The following PDE1C variants were observed in gnomAD, a reference collection of about 807,000 sequenced individuals.
PDE1C encodes dual specificity calcium/calmodulin-dependent 3',5'-cyclic nucleotide phosphodiesterase 1C.
Under a neutral mutation model 93.1 loss-of-function variants are expected in PDE1C, and 62 were observed. The observed-to-expected ratio is 0.67, with a 90% CI of 0.54 to 0.82. The LOEUF is 0.82. Ranked by LOEUF, PDE1C falls within the 40% of genes least tolerant of loss-of-function variation. PDE1C has a pLI of 0.00. For missense variants in PDE1C, 742 were observed against 884.6 expected, an observed-to-expected ratio of 0.84 and a Z score of 2.04; for synonymous variants, 325 against 310.1, an observed-to-expected ratio of 1.05 and a Z score of -0.50.
intron 1 of PDE1C, among the ~76,000 whole-genome samples, chr7:32,233,033 T>C (rs147142701): frequency 3.5e-4 from 54 of 152,288 alleles, no homozygotes; most frequent in Non-Finnish European, 5.4e-4. Flanking sequence ...AAATCAATCT[T>C]AACATGCATG....
intron 1 of PDE1C, among the ~76,000 whole-genome samples, chr7:32,279,072 A>C (rs1441452032): frequency 6.6e-6 from 1 of 152,184 alleles, no homozygotes; most frequent in African/African-American, 2.4e-5. Flanking sequence ...CTGTTTGAAA[A>C]ACCAAACTCA....
intron 2 of PDE1C, among the ~76,000 whole-genome samples, chr7:31,896,064 G>C (rs1275646269): frequency 1.3e-5 from 2 of 151,014 alleles, no homozygotes; most frequent in Admixed American, 1.3e-4. Context: ...ACCCAGCAGG[G>C]TGAGCTCATG....
chr7:31,677,039 T>C, the PDE1C span, among the ~76,000 whole-genome samples: 1 of 152,192 alleles, frequency 6.6e-6, no homozygotes, highest in African/African-American at 2.4e-5. Flanking sequence ...AGTCTATATA[T>C]AAATTTGAAA....
the PDE1C span, among the ~76,000 whole-genome samples, chr7:31,683,168 A>G: frequency 2.0e-5 from 3 of 152,204 alleles, no homozygotes; most frequent in African/African-American, 7.2e-5. Context: ...TTGTACCAAT[A>G]TCAATACTGT....
intron 2 of PDE1C, among the ~76,000 whole-genome samples, chr7:31,994,602 C>T (rs1784506196): frequency 6.6e-6 from 1 of 152,104 alleles, no homozygotes. Context: ...GTGAGTTCTT[C>T]GTAGCCTCAC....
chr7:31,921,303 G>A lies in PDE1C; in HGVS notation c.129-40443C>T, dbSNP rs115551868. On this transcript the variant is annotated intron_variant, in intron 2 of 17. Coordinates refer to ENST00000396191, the MANE Select transcript of PDE1C (RefSeq NM_001191057.4). ...TCTCATGCAGATTGTTTGGGAGTGA[G>A]AGAGATGGGCATGAACACAGCGGAC... is the stretch of plus-strand genomic sequence containing the variant. Among the ~76,000 whole-genome samples the A allele has an allele frequency of 7.3e-3, 1,108 of 152,302 alleles. 13 individuals carry two copies. Among genetic ancestry groups the A allele is most frequent in the African/African-American group, 0.025 (1,029 of 41,554 alleles).
chr7:31,625,925 G>A, the PDE1C span, among the ~76,000 whole-genome samples: 1 of 152,046 alleles, frequency 6.6e-6, no homozygotes, highest in Non-Finnish European at 1.5e-5. Flanking sequence ...TACACCTAAT[G>A]TTAGTAAGAA....
In PDE1C at chr7:32,098,208, C is replaced by T. The variant is rs528112791; in HGVS notation, c.308+71577G>A. Among the ~76,000 whole-genome samples the T allele has an allele frequency of 1.1e-3, 117 of 103,710 alleles. 2 individuals carry two copies. Among genetic ancestry groups the T allele is most frequent in the African/African-American group, 2.4e-3 (61 of 25,786 alleles). The allele number at this position is 103,710 out of a possible 152,430, so 68.0% of individuals were successfully genotyped here. A position where few individuals can be genotyped will look rare whatever the true frequency, so the allele number is the denominator to read the frequency against. Reference sequence around the variant, plus strand: ...TCGCGCCACTGCACTCCAGCCTGGGCGACAGAGCGAGACTCCGTCTCAAAA... The same window carrying T: ...TCGCGCCACTGCACTCCAGCCTGGGTGACAGAGCGAGACTCCGTCTCAAAA... On this transcript the variant is annotated intron_variant, in intron 3 of 18. Transcript: ENST00000396193.
the PDE1C span, among the ~76,000 whole-genome samples, chr7:31,647,597 C>G: frequency 6.7e-6 from 1 of 149,570 alleles, no homozygotes; most frequent in African/African-American, 2.5e-5. Flanking sequence ...TCACTTGAAC[C>G]TGGGAGGCGG....
chr7:31,630,828 T>A, the PDE1C span, among the ~76,000 whole-genome samples: 2 of 151,976 alleles, frequency 1.3e-5, no homozygotes, highest in African/African-American at 4.8e-5. Flanking sequence ...TACCAAAAAG[T>A]ATGTCAATGA....
At chr7:32,234,882 C>A (rs1445336008) in intron 1 of PDE1C, among the ~76,000 whole-genome samples, 1 of 151,866 alleles carries the variant, frequency 6.6e-6, no homozygotes, top group African/African-American at 2.4e-5. Context: ...AAAGTGTTAG[C>A]AAATTGAATA....
chr7:32,346,012 T>C (rs1342962713), intron 1 of PDE1C, among the ~76,000 whole-genome samples: 1 of 152,126 alleles, frequency 6.6e-6, no homozygotes, highest in African/African-American at 2.4e-5. Flanking sequence ...AAATAAAAAC[T>C]TACATCCACA....
the PDE1C span, among the ~76,000 whole-genome samples, chr7:31,680,501 C>A: frequency 2.0e-5 from 3 of 152,184 alleles, no homozygotes; most frequent in African/African-American, 7.2e-5. Flanking sequence ...GGCAAGGGAC[C>A]TTGGTCTCTG....
chr7:32,193,919 T>TG (rs1367067634), intron 2 of PDE1C, among the ~76,000 whole-genome samples: 8 of 133,684 alleles, frequency 6.0e-5, no homozygotes, highest in Non-Finnish European at 9.5e-5. Context: ...TTGTTTTGTT[T>TG]TTTTTTTTTT....
At chr7:32,175,344 A>G (rs1802913295) in intron 2 of PDE1C, among the ~76,000 whole-genome samples, 1 of 152,260 alleles carries the variant, frequency 6.6e-6, no homozygotes, top group African/African-American at 2.4e-5. Flanking sequence ...TTTACACTGT[A>G]GTCTATTAAG....
intron 6 of PDE1C, among the ~76,000 whole-genome samples, chr7:31,867,505 A>G (rs150398555): frequency 2.0e-5 from 3 of 152,136 alleles, no homozygotes; most frequent in African/African-American, 7.2e-5. Context: ...TGATGCTGCC[A>G]TCACAGCTGG....
chr7:31,975,913 A>C (rs928354396), intron 2 of PDE1C, among the ~76,000 whole-genome samples: 26 of 152,216 alleles, frequency 1.7e-4, no homozygotes, highest in Admixed American at 1.7e-3. Context: ...CCGAAAAGTG[A>C]CCAATCAAAA....
chr7:32,122,010 A>C (rs1799327321), intron 3 of PDE1C, among the ~76,000 whole-genome samples: 1 of 152,224 alleles, frequency 6.6e-6, no homozygotes, highest in South Asian at 2.1e-4. Flanking sequence ...GGTTCAAAAT[A>C]AGGGGAAGGA....
At chr7:31,727,891 A>C in the PDE1C span, among the ~76,000 whole-genome samples, 1 of 152,120 alleles carries the variant, frequency 6.6e-6, no homozygotes, top group Non-Finnish European at 1.5e-5. Flanking sequence ...AAAATACAAA[A>C]AAATTAGCCG....
Sources: gnomAD v4.1 joint callset for allele counts (sites outside exome capture counted in the v4.1 genomes callset) on GRCh38, gnomAD v4.1.1 for gene constraint, MANE v1.5 for transcripts, NCBI Gene and HGNC (gene_info 2026-07-23, HGNC 2026-07-21) for gene names.